CSMD1: variants seen among roughly 807,000 people sequenced by gnomAD.
CSMD1 encodes CUB and Sushi multiple domains 1, also known as CUB and sushi domain-containing protein 1.
CSMD1 carries 213 observed loss-of-function variants against 417.5 expected under a neutral mutation model. The observed-to-expected ratio is 0.51, with a 90% CI of 0.46 to 0.57. The LOEUF (loss-of-function observed/expected upper bound fraction) is 0.57. CSMD1 is among the 20% of genes least tolerant of loss of function. The pLI, the probability that CSMD1 is intolerant of heterozygous loss-of-function variation, is 0.00. For synonymous variants in CSMD1, 2,862 were observed against 1,736.8 expected, an observed-to-expected ratio of 1.65 and a Z score of -16.11; for missense variants, 6,923 against 4,529.7, an observed-to-expected ratio of 1.53 and a Z score of -15.17.
At chr8:3,195,226 A>G (rs564468677) in intron 33 of CSMD1, among the ~76,000 whole-genome samples, 5 of 152,312 alleles carry the variant, frequency 3.3e-5, no homozygotes, top group African/African-American at 9.6e-5. Context: ...GACACAGTCA[A>G]TCATGCACAT....
At chr8:4,112,652 C>T (rs1262006861) in intron 3 of CSMD1, among the ~76,000 whole-genome samples, 1 of 152,116 alleles carries the variant, frequency 6.6e-6, no homozygotes, top group African/African-American at 2.4e-5. Flanking sequence ...GATCCTGCCC[C>T]AAATCCCACA....
chr8:4,269,755 A>C (rs112110626), intron 3 of CSMD1, among the ~76,000 whole-genome samples: 2 of 152,298 alleles, frequency 1.3e-5, no homozygotes, highest in African/African-American at 4.8e-5. Flanking sequence ...AACACTGCAA[A>C]ATTACATCTT....
intron 10 of CSMD1, among the ~76,000 whole-genome samples, chr8:3,552,559 G>A (rs1366745496): frequency 6.6e-6 from 1 of 152,130 alleles, no homozygotes; most frequent in East Asian, 1.9e-4. Context: ...ATAAACATAA[G>A]GTGGGGGGCA....
intron 12 of CSMD1, among the ~76,000 whole-genome samples, chr8:3,418,437 G>C (rs1203382524): frequency 6.6e-6 from 1 of 152,184 alleles, no homozygotes; most frequent in Non-Finnish European, 1.5e-5. Flanking sequence ...GGATGTCAGA[G>C]AGCACTTACT....
At chr8:4,905,684 G>T (rs975989873) in intron 1 of CSMD1, among the ~76,000 whole-genome samples, 4 of 151,790 alleles carry the variant, frequency 2.6e-5, no homozygotes, top group African/African-American at 7.3e-5. Context: ...GCCGGGCGTG[G>T]TGGCGGGCGC....
intron 15 of CSMD1, among the ~76,000 whole-genome samples, chr8:3,403,649 C>A (rs942859021): frequency 1.3e-5 from 2 of 152,102 alleles, no homozygotes; most frequent in Admixed American, 6.6e-5. Flanking sequence ...TGACTTGTGG[C>A]CAGGACAGAA....
At chr8:3,256,412 A>G (rs546820653) in intron 26 of CSMD1, among the ~76,000 whole-genome samples, 3 of 152,116 alleles carry the variant, frequency 2.0e-5, no homozygotes, top group Non-Finnish European at 2.9e-5. Flanking sequence ...CCAGCAGTAC[A>G]TGTTGCAGCC....
At chr8:4,288,775 C>G (rs1467988840) in intron 3 of CSMD1, among the ~76,000 whole-genome samples, 1 of 152,190 alleles carries the variant, frequency 6.6e-6, no homozygotes, top group Admixed American at 6.5e-5. Context: ...GATCTGATAC[C>G]TGTCAGGTCT....
chr8:3,847,399 C>A (rs965527105), intron 5 of CSMD1, among the ~76,000 whole-genome samples: 1 of 152,106 alleles, frequency 6.6e-6, no homozygotes, highest in Non-Finnish European at 1.5e-5. Flanking sequence ...GAAGGCACTG[C>A]CCAGTGTGGG....
In CSMD1 at chr8:4,434,687, C is replaced by G. The variant is rs146202790; in HGVS notation, c.303-14622G>C. Among the ~76,000 whole-genome samples, 63 of 152,226 alleles carry G rather than the reference C, an allele frequency of 4.1e-4. 2 individuals are homozygous for G. The highest frequency in any genetic ancestry group is 3.4e-3 in the Middle Eastern group (1 of 294). ...GATTTACTTTTTGACTGGAAAGGAA[C>G]AAAGAGTAACAAATGTTTTCATGCC... On this transcript the variant is annotated intron_variant, in intron 2 of 69. Transcript: ENST00000635120.
At chr8:4,066,655 C>T (rs1430349573) in intron 3 of CSMD1, among the ~76,000 whole-genome samples, 4 of 152,154 alleles carry the variant, frequency 2.6e-5, no homozygotes, top group African/African-American at 4.8e-5. Flanking sequence ...GATGTTTTTG[C>T]TCATCAAACC....
At chr8:4,360,162 C>T (rs947615820) in intron 3 of CSMD1, among the ~76,000 whole-genome samples, 5 of 152,112 alleles carry the variant, frequency 3.3e-5, no homozygotes, top group African/African-American at 7.2e-5. Flanking sequence ...ATGAACTACA[C>T]GTGAGAGTGA....
chr8:4,570,363 G>A (rs982750158), intron 2 of CSMD1, among the ~76,000 whole-genome samples: 4 of 152,030 alleles, frequency 2.6e-5, no homozygotes, highest in Non-Finnish European at 5.9e-5. Context: ...GAATTTTATC[G>A]AAGGCCCTGT....
chr8:4,396,729 C>T (rs1804249298), intron 3 of CSMD1, among the ~76,000 whole-genome samples: 1 of 152,044 alleles, frequency 6.6e-6, no homozygotes, highest in African/African-American at 2.4e-5. Flanking sequence ...GCATTTGCAG[C>T]AACCTGGATG....
intron 5 of CSMD1, among the ~76,000 whole-genome samples, chr8:3,763,320 G>A (rs1035636215): frequency 2.6e-5 from 4 of 152,140 alleles, no homozygotes; most frequent in African/African-American, 7.2e-5. Flanking sequence ...TGGAGGTGGG[G>A]CCCTGTGGGA....
rs141684530 is a variant in CSMD1 at position 4,889,063 on chromosome 8, G to C, written c.85+105269C>G. ...TTTCAGGCAAGAAGGATGAATATGT[G>C]GTAAGCCCAGTGAATGAACGTTTGA... is the stretch of plus-strand genomic sequence containing the variant. On this transcript the variant is annotated intron_variant, in intron 1 of 69. Coordinates refer to ENST00000635120, the MANE Select transcript of CSMD1 (RefSeq NM_033225.6). Among the ~76,000 whole-genome samples the C allele has an allele frequency of 2.2e-3, 342 of 152,206 alleles. 2 individuals are homozygous for C. The highest frequency in any genetic ancestry group is 6.8e-3 in the Middle Eastern group (2 of 294).
chr8:4,787,961 G>A, intron 1 of CSMD1: 1 of 1,595,840 alleles, frequency 6.3e-7, no homozygotes, highest in East Asian at 2.2e-5. Flanking sequence ...GGAGACTCTG[G>A]CCATCAGGAG....
chr8:4,418,481 C>G (rs1004137178), intron 3 of CSMD1, among the ~76,000 whole-genome samples: 8 of 152,034 alleles, frequency 5.3e-5, no homozygotes, highest in African/African-American at 1.9e-4. Flanking sequence ...GGGAATCTAA[C>G]AAGACCACCT....
At chr8:4,623,168 A>G (rs2130820156) in intron 2 of CSMD1, among the ~76,000 whole-genome samples, 1 of 152,258 alleles carries the variant, frequency 6.6e-6, no homozygotes, top group African/African-American at 2.4e-5. Context: ...AGTTGCAGTG[A>G]AGATGCGCAA....
Sources: gnomAD v4.1 joint callset for allele counts (sites outside exome capture counted in the v4.1 genomes callset) on GRCh38, gnomAD v4.1.1 for gene constraint, MANE v1.5 for transcripts, NCBI Gene and HGNC (gene_info 2026-07-23, HGNC 2026-07-21) for gene names.